Variants in ASPHD1 observed in about 807,000 individuals in gnomAD.
ASPHD1 encodes aspartate beta-hydroxylase domain-containing protein 1.
A neutral mutation model predicts 28.3 loss-of-function variants in ASPHD1; 20 were observed. That is an observed-to-expected ratio of 0.71 (90% CI 0.50 to 1.03). ASPHD1 has a LOEUF of 1.03. ASPHD1 is among the 50% of genes least tolerant of loss of function. The pLI is 0.00. For synonymous variants in ASPHD1, 240 were observed against 221.2 expected, an observed-to-expected ratio of 1.08 and a Z score of -0.75; for missense variants, 479 against 524.1, an observed-to-expected ratio of 0.91 and a Z score of 0.84.
At position 29,903,386 on chromosome 16, in the gene ASPHD1, C is replaced by A. The variant is rs182539496; in HGVS notation, c.949+1466C>A. 2.2e-3 allele frequency among the ~76,000 whole-genome samples: 331 copies of A among 151,994 alleles called. 2 individuals are homozygous for A. Among genetic ancestry groups the A allele is most frequent in the Middle Eastern group, 0.02 (6 of 294 alleles). On this transcript the variant is annotated intron_variant, in intron 1 of 2. Transcript: ENST00000308748. Reference sequence around the variant, plus strand: ...ACAAGAAAAAAAAATTGTGTAAAGACAGGCTGGACCTGAACTCCTGAACTC... The same window carrying A: ...ACAAGAAAAAAAAATTGTGTAAAGAAAGGCTGGACCTGAACTCCTGAACTC...
At chr16:29,912,104 C>T (rs1304725809) in intron 3 of ASPHD1, 1 of 1,221,932 alleles carries the variant, frequency 8.2e-7, no homozygotes, top group Non-Finnish European at 1.2e-6. Flanking sequence ...CGTACTCCCC[C>T]ACTTAAAAGC....
intron 3 of ASPHD1, among the ~76,000 whole-genome samples, chr16:29,916,521 C>G (rs1485039707): frequency 6.6e-6 from 1 of 152,132 alleles, no homozygotes; most frequent in Non-Finnish European, 1.5e-5. Flanking sequence ...TTCCAGAAAC[C>G]AAAGTCTGTT....
downstream of ASPHD1, chr16:29,906,118 A>T: frequency 2.6e-6 from 1 of 386,476 alleles, no homozygotes; most frequent in Non-Finnish European, 4.6e-6. Flanking sequence ...CTCCTAGTAC[A>T]ACCAAACAGG....
In ASPHD1 at chr16:29,905,870, C is replaced by T. The variant is rs757602884; in HGVS notation, c.1146C>T (p.Leu382=). ...TGGCAGGGGCTGAGCGCCAGGCCCT[C>T]GACTTTGTCTTCGCCCCAGACCCTT... The part of the protein sequence containing the change: ...PNVAGAERQA[L]DFVFAPDP Residue 382 remains leucine (L), a synonymous_variant, in exon 3 of 3, where the codon CTC becomes CTT. Transcript: ENST00000308748. The T allele has an allele frequency of 1.2e-5, 19 of 1,613,486 alleles. No individual in the cohort carries two copies. The highest frequency in any genetic ancestry group is 1.6e-4 in the Middle Eastern group (1 of 6,080).
intron 3 of ASPHD1, among the ~76,000 whole-genome samples, chr16:29,917,703 C>T (rs928848108): frequency 6.6e-6 from 1 of 151,980 alleles, no homozygotes; most frequent in African/African-American, 2.4e-5. Context: ...CGCTTGAACC[C>T]GGGAGGCAGA....
At chr16:29,906,148 CTTT>C (rs770827164), downstream of ASPHD1, 215 of 177,214 alleles carry the variant, frequency 1.2e-3, no homozygotes, top group South Asian at 3.0e-3. Context: ...TTTTTTCTTT[CTTT>C]TTTTTTTTTT....
chr16:29,914,992 G>C (rs532750487), intron 3 of ASPHD1: 3 of 152,200 alleles, frequency 2.0e-5, no homozygotes, highest in East Asian at 3.9e-4. Flanking sequence ...AAAAAAAAGT[G>C]GGGCAGGGGA....
chr16:29,919,181 A>C (rs2068865136), intron 3 of ASPHD1, among the ~76,000 whole-genome samples: 1 of 152,216 alleles, frequency 6.6e-6, no homozygotes, highest in South Asian at 2.1e-4. Flanking sequence ...GGGAGTAAAC[A>C]ACCAGGCAAA....
At position 29,900,800 on chromosome 16, in the gene ASPHD1, CG is replaced by C. The variant is rs1200907838; in HGVS notation, c.-167del. On this transcript the variant is annotated 5_prime_UTR_variant, in exon 1 of 3. Coordinates refer to ENST00000308748, the MANE Select transcript of ASPHD1 (RefSeq NM_181718.4). ...GCGGGGAGAGAGAGCGAGCGAAAAG[CG>C]GGGGTGGGGAGGAAAGGGGGAGATT... 5 of 612,478 alleles carry C rather than the reference CG, an allele frequency of 8.2e-6. No individual in the cohort carries two copies. In the African/African-American group the frequency reaches 1.2e-4, roughly 14 times the overall value. The allele number at this position is 612,478 out of a possible 1,614,324, so 37.9% of individuals were successfully genotyped here.
At position 29,901,232 on chromosome 16, in the gene ASPHD1, C is replaced by T. The variant is rs771145770; in HGVS notation, c.261C>T (p.Leu87=). Residue 87 remains leucine, a synonymous_variant, in exon 1 of 3, where the codon CTC becomes CTT. Coordinates refer to ENST00000308748, the MANE Select transcript of ASPHD1 (RefSeq NM_181718.4). The surrounding 1 kb of genome is among the most constrained non-coding windows in gnomAD (Gnocchi z 5.1). The part of the protein sequence containing the change: ...SSALTLLFGA[L]TSLFLWYCYR... ...CCCTCACCTTGCTCTTCGGGGCCCT[C>T]ACTTCCCTGTTCCTCTGGTACTGCT... The T allele has an allele frequency of 6.2e-7, 1 of 1,613,800 alleles. No homozygotes were observed. The highest frequency in any genetic ancestry group is 8.5e-7 in the Non-Finnish European group (1 of 1,179,958).
At chr16:29,915,936 C>T (rs1292629511) in intron 3 of ASPHD1, among the ~76,000 whole-genome samples, 1 of 152,184 alleles carries the variant, frequency 6.6e-6, no homozygotes, top group African/African-American at 2.4e-5. Context: ...TCAAACCCAA[C>T]AATTTCAGGC....
At position 29,913,117 on chromosome 16, in the gene ASPHD1, G is replaced by C. The variant is rs927682611; in HGVS notation, c.*63-6414G>C. 4 of 149,716 alleles carry C rather than the reference G, an allele frequency of 2.7e-5. No individual in the cohort carries two copies. In the East Asian group the frequency reaches 5.8e-4, roughly 22 times the overall value. The allele number at this position is 149,716 out of a possible 1,614,324, so 9.3% of individuals were successfully genotyped here. On this transcript the variant is annotated intron_variant and NMD_transcript_variant, in intron 3 of 3. Transcript: ENST00000414952. ...AATAATAAAAGTCTACAATTACTGA[G>C]GCCATTTTTTTTTTTTTTTTTTTTT...
In ASPHD1 at chr16:29,901,340, G is replaced by A; in HGVS notation, c.369G>A (p.Ser123=). ...GGVRGGPVGC[S]EAGGPSPGGP... ...TTCGTGGTGGGCCTGTGGGATGCTC[G>A]GAGGCCGGCGGGCCAAGCCCAGGGG... is the stretch of plus-strand genomic sequence containing the variant. The change falls in exon 1 of 3, where the codon TCG becomes TCA. Residue 123 remains serine (S), a synonymous_variant. Transcript: ENST00000308748. This position sits in a 1 kb window ranked among gnomAD's most constrained non-coding sequence, Gnocchi z 5.1. 6.2e-7 allele frequency: 1 copy of A among 1,603,428 alleles called. No homozygotes were observed. Among genetic ancestry groups the A allele is most frequent in the Non-Finnish European group, 8.5e-7 (1 of 1,175,688 alleles).
chr16:29,917,028 T>C (rs185027195), intron 3 of ASPHD1, among the ~76,000 whole-genome samples: 1 of 152,370 alleles, frequency 6.6e-6, no homozygotes, highest in Admixed American at 6.5e-5. Context: ...GAAGCTGTAA[T>C]GTCTTTTATG....
chr16:29,913,016 C>T (rs2068744107), intron 3 of ASPHD1: 1 of 152,138 alleles, frequency 6.6e-6, no homozygotes, highest in Non-Finnish European at 1.5e-5. Flanking sequence ...ACCTTGAAAA[C>T]TCAATGCGCA....
chr16:29,919,452 A>G (rs1366336635), intron 3 of ASPHD1: 1 of 152,196 alleles, frequency 6.6e-6, no homozygotes, highest in Non-Finnish European at 1.5e-5. Context: ...GCCATAGAAT[A>G]CCTATAACTC....
intron 3 of ASPHD1, chr16:29,912,358 C>T: frequency 2.1e-6 from 1 of 470,170 alleles, no homozygotes; most frequent in South Asian, 2.6e-5. Context: ...GATCGCAGGT[C>T]ACACAGTGCC....
chr16:29,904,962 A>G lies in ASPHD1; in HGVS notation c.1060A>G (p.Asn354Asp). The change falls in exon 2 of 3, where the codon AAT becomes GAT. Residue 354 changes from asparagine to aspartate, a missense_variant. Physicochemically the swap from Asn to Asp is conservative, Grantham distance 23 (BLOSUM62 1). Transcript: ENST00000308748. ...DDSFLHTVAH[N>D]GSPEDGPRVV... ...CTCTTTTCTACACACAGTGGCTCAC[A>G]ATGGTAACGGGGTGCCCATTCTGCA... The G allele has an allele frequency of 6.2e-7, 1 of 1,611,376 alleles. No homozygotes were observed. The highest frequency in any genetic ancestry group is 1.1e-5 in the South Asian group (1 of 90,862).
chr16:29,902,412 AG>A, intron 1 of ASPHD1, among the ~76,000 whole-genome samples: 1 of 152,230 alleles, frequency 6.6e-6, no homozygotes, highest in African/African-American at 2.4e-5. Context: ...CTGGGTGACA[AG>A]AAAGTACTCA....
Sources: gnomAD v4.1 joint callset for allele counts (sites outside exome capture counted in the v4.1 genomes callset) on GRCh38, gnomAD v4.1.1 for gene constraint, Gnocchi (gnomAD v3.1) non-coding constraint, MANE v1.5 for transcripts, NCBI Gene and HGNC (gene_info 2026-07-23, HGNC 2026-07-21) for gene names.